Variants in BMERB1 observed in about 807,000 individuals in gnomAD.
The protein encoded by BMERB1 is bMERB domain containing 1, also known as bMERB domain-containing protein 1.
BMERB1 carries 12 observed loss-of-function variants against 23.6 expected under a neutral mutation model. The ratio of observed to expected loss-of-function variants is 0.51; its 90% CI spans 0.33 to 0.82. The LOEUF (loss-of-function observed/expected upper bound fraction) is 0.82. BMERB1 is among the 40% of genes least tolerant of loss of function. The probability of loss-of-function intolerance (pLI) is 0.03; values close to 1 mark genes in which losing one functional copy is unlikely to be tolerated. For synonymous variants in BMERB1, 122 were observed against 96.6 expected (o/e 1.26, Z -1.54); for missense variants, 247 against 255.4 (o/e 0.97, Z 0.22).
At chr16:15,510,242 T>C (rs2051646654) in intron 1 of BMERB1, among the ~76,000 whole-genome samples, 1 of 152,082 alleles carries the variant, frequency 6.6e-6, no homozygotes. Flanking sequence ...CGCTTGACTC[T>C]GAGATAGGAA....
intron 1 of BMERB1, among the ~76,000 whole-genome samples, chr16:15,510,008 C>T (rs1268511715): frequency 6.6e-6 from 1 of 152,140 alleles, no homozygotes; most frequent in Non-Finnish European, 1.5e-5. Flanking sequence ...GATGCTATTA[C>T]ATCCAGTGGC....
At chr16:15,515,277 A>G in intron 1 of BMERB1, 28 bp from the exon 2 acceptor site, 1 of 1,612,334 alleles carries the variant, frequency 6.2e-7, no homozygotes, top group Non-Finnish European at 8.5e-7. Flanking sequence ...TGGGGTCCTG[A>G]TGGTTGTATT....
At chr16:15,550,090 C>G (rs1316378672) in intron 2 of BMERB1, among the ~76,000 whole-genome samples, 1 of 151,876 alleles carries the variant, frequency 6.6e-6, no homozygotes, top group Non-Finnish European at 1.5e-5. Flanking sequence ...GCTGGGACTA[C>G]AAGCACCTAC....
intron 2 of BMERB1, among the ~76,000 whole-genome samples, chr16:15,540,907 C>G (rs1316675506): frequency 6.6e-6 from 1 of 152,172 alleles, no homozygotes; most frequent in Non-Finnish European, 1.5e-5. Flanking sequence ...CACTAAGTCT[C>G]TGATTCTTGG....
chr16:15,465,185 A>G (rs574318647), intron 1 of BMERB1, among the ~76,000 whole-genome samples: 1 of 152,200 alleles, frequency 6.6e-6, no homozygotes, highest in South Asian at 2.1e-4. Flanking sequence ...CAGTTATGCA[A>G]AATGTCATCA....
intron 2 of BMERB1, among the ~76,000 whole-genome samples, chr16:15,527,785 C>G (rs143908280): frequency 6.6e-6 from 1 of 152,112 alleles, no homozygotes; most frequent in African/African-American, 2.4e-5. Flanking sequence ...CATGATCCCC[C>G]CATCTAGTCC....
chr16:15,571,278 G>C (rs577060105), intron 3 of BMERB1, among the ~76,000 whole-genome samples: 1 of 152,052 alleles, frequency 6.6e-6, no homozygotes, highest in East Asian at 1.9e-4. Flanking sequence ...CCTATGAAAG[G>C]AAAATAAAGT....
intron 2 of BMERB1, among the ~76,000 whole-genome samples, chr16:15,531,064 C>G (rs2051962677): frequency 6.6e-6 from 1 of 151,982 alleles, no homozygotes; most frequent in East Asian, 1.9e-4. Flanking sequence ...GCTGCCATGC[C>G]CAGCTAATTT....
intron 1 of BMERB1, among the ~76,000 whole-genome samples, chr16:15,501,744 A>G (rs1269890347): frequency 6.6e-6 from 1 of 151,954 alleles, no homozygotes; most frequent in African/African-American, 2.4e-5. Context: ...AAATGCTAGG[A>G]TTACAGGCGT....
chr16:15,573,662 T>TG (rs1001759822), intron 3 of BMERB1, among the ~76,000 whole-genome samples: 1 of 152,174 alleles, frequency 6.6e-6, no homozygotes, highest in Non-Finnish European at 1.5e-5. Flanking sequence ...AGGAGTAATC[T>TG]GGGGAGGGTC....
intron 1 of BMERB1, among the ~76,000 whole-genome samples, chr16:15,464,131 G>A (rs1053095885): frequency 6.6e-6 from 1 of 150,812 alleles, no homozygotes; most frequent in Non-Finnish European, 1.5e-5. Context: ...TGGCCAACAT[G>A]GCAAAACCCC....
Position 15,528,651 on chromosome 16 carries a change from G to A in BMERB1, c.230+13223G>A, listed in dbSNP as rs555287432. Among the ~76,000 whole-genome samples the A allele has an allele frequency of 7.3e-5, 11 of 150,628 alleles. No homozygotes were observed. In the South Asian group the frequency reaches 8.5e-4, roughly 12 times the overall value. ...TACACACACCAGGTCCCCTCCTGCC[G>A]TGGGGGCCTTTTTGTTTGTGATGTT... is the stretch of plus-strand genomic sequence containing the variant. On this transcript the variant is annotated intron_variant, in intron 2 of 5. Coordinates refer to ENST00000300006, the MANE Select transcript of BMERB1 (RefSeq NM_033201.3).
intron 1 of BMERB1, among the ~76,000 whole-genome samples, chr16:15,454,764 C>T (rs2150925493): frequency 6.7e-6 from 1 of 150,102 alleles, no homozygotes; most frequent in African/African-American, 2.5e-5. Context: ...TGCACTCCAG[C>T]CTGGATGACA....
chr16:15,565,368 G>A (rs2030535333), intron 2 of BMERB1, among the ~76,000 whole-genome samples: 1 of 152,184 alleles, frequency 6.6e-6, no homozygotes, highest in Non-Finnish European at 1.5e-5. Context: ...AGCAAAGTAA[G>A]ATACTGGCTC....
chr16:15,502,504 G>T, intron 1 of BMERB1: 3 of 784,602 alleles, frequency 3.8e-6, no homozygotes, highest in Non-Finnish European at 6.5e-6. Flanking sequence ...CTCATTAAAA[G>T]CAACGGGCGG....
chr16:15,580,095 ATTTT>A (rs35772701), intron 3 of BMERB1, among the ~76,000 whole-genome samples: 1 of 140,918 alleles, frequency 7.1e-6, no homozygotes, highest in African/African-American at 2.6e-5. Context: ...TGCCCTCTCA[ATTTT>A]TTTTTTTTTT....
At chr16:15,528,717 C>T (rs2051935129) in intron 2 of BMERB1, among the ~76,000 whole-genome samples, 1 of 151,994 alleles carries the variant, frequency 6.6e-6, no homozygotes, top group African/African-American at 2.4e-5. Flanking sequence ...CCCTCTCCTT[C>T]CCTGGTGCTA....
intron 2 of BMERB1, among the ~76,000 whole-genome samples, chr16:15,545,248 C>T (rs925249973): frequency 6.6e-6 from 1 of 152,154 alleles, no homozygotes; most frequent in Non-Finnish European, 1.5e-5. Flanking sequence ...GCTAGGATTA[C>T]AGGTGTGAGC....
At chr16:15,525,156 C>T (rs1453060415) in intron 2 of BMERB1, among the ~76,000 whole-genome samples, 2 of 152,132 alleles carry the variant, frequency 1.3e-5, no homozygotes, top group Non-Finnish European at 2.9e-5. Context: ...GGGCCCCGTC[C>T]AATCAGTTGA....
Sources: gnomAD v4.1 joint callset for allele counts (sites outside exome capture counted in the v4.1 genomes callset) on GRCh38, gnomAD v4.1.1 for gene constraint, MANE v1.5 for transcripts, NCBI Gene and HGNC (gene_info 2026-07-23, HGNC 2026-07-21) for gene names.